TASP1: variants seen among roughly 807,000 people sequenced by gnomAD.
TASP1 encodes the protein threonine aspartase 1.
TASP1 carries 16 observed loss-of-function variants against 56.6 expected under a neutral mutation model. The ratio of observed to expected loss-of-function variants is 0.28; its 90% CI spans 0.19 to 0.43. TASP1 has a LOEUF of 0.43. Ranked by LOEUF, TASP1 falls within the 20% of genes least tolerant of loss-of-function variation. The pLI, the probability that TASP1 is intolerant of heterozygous loss-of-function variation, is 1.00. For synonymous variants in TASP1, 179 were observed against 184.2 expected, an observed-to-expected ratio of 0.97 and a Z score of 0.23; for missense variants, 393 against 511.6, an observed-to-expected ratio of 0.77 and a Z score of 2.24.
chr20:13,599,151 C>A (rs1469814095), intron 4 of TASP1, among the ~76,000 whole-genome samples: 1 of 152,144 alleles, frequency 6.6e-6, no homozygotes, highest in Non-Finnish European at 1.5e-5. Flanking sequence ...CTAGAAAGAC[C>A]ATTTGACCCA....
intron 2 of TASP1, among the ~76,000 whole-genome samples, 199 bp downstream of exon 2, chr20:13,629,735 G>A (rs1447297089): frequency 3.3e-5 from 5 of 152,154 alleles, no homozygotes; most frequent in African/African-American, 4.8e-5. Flanking sequence ...CCTAGGAAGA[G>A]CTGCCATTCT....
At chr20:13,175,163 C>A in the TASP1 span, among the ~76,000 whole-genome samples, 1 of 152,154 alleles carries the variant, frequency 6.6e-6, no homozygotes, top group African/African-American at 2.4e-5. Context: ...CCTAAACTTG[C>A]AATTCTACCT....
chr20:13,354,298 A>G, the TASP1 span, among the ~76,000 whole-genome samples: 2 of 152,202 alleles, frequency 1.3e-5, no homozygotes, highest in Admixed American at 6.5e-5. Flanking sequence ...ATAAATAACT[A>G]AAGAAAAATT....
intron 9 of TASP1, among the ~76,000 whole-genome samples, chr20:13,530,416 G>C (rs766412218): frequency 6.6e-6 from 1 of 152,140 alleles, no homozygotes; most frequent in Non-Finnish European, 1.5e-5. Context: ...TTTAGAATAT[G>C]AATTTATAAA....
At chr20:13,520,609 T>C (rs981903762) in intron 10 of TASP1, among the ~76,000 whole-genome samples, 13 of 152,300 alleles carry the variant, frequency 8.5e-5, no homozygotes, top group African/African-American at 1.7e-4. Flanking sequence ...TTACACCTTA[T>C]ACAAAAATTA....
At chr20:13,487,325 A>G (rs1187697236) in intron 10 of TASP1, among the ~76,000 whole-genome samples, 2 of 152,174 alleles carry the variant, frequency 1.3e-5, no homozygotes, top group Non-Finnish European at 2.9e-5. Flanking sequence ...GACCTCCCCA[A>G]CAGTGTCAGG....
the TASP1 span, among the ~76,000 whole-genome samples, chr20:13,233,421 C>A: frequency 6.6e-6 from 1 of 151,822 alleles, no homozygotes; most frequent in African/African-American, 2.4e-5. Flanking sequence ...CATGGAGAAA[C>A]CCCATCTCTA....
At chr20:13,501,363 TAA>T (rs1260085690) in intron 10 of TASP1, among the ~76,000 whole-genome samples, 2 of 152,128 alleles carry the variant, frequency 1.3e-5, no homozygotes, top group East Asian at 3.9e-4. Flanking sequence ...GTAAATTTTT[TAA>T]AAGACAACTG....
At chr20:13,327,002 G>A in the TASP1 span, among the ~76,000 whole-genome samples, 58 of 152,294 alleles carry the variant, frequency 3.8e-4, no homozygotes, top group Admixed American at 1.1e-3. Context: ...TATGCGAATA[G>A]GAAGAGGGGA....
the TASP1 span, among the ~76,000 whole-genome samples, chr20:13,318,864 G>A: frequency 1.3e-5 from 2 of 152,236 alleles, no homozygotes; most frequent in African/African-American, 4.8e-5. Flanking sequence ...GGTTGCCAGG[G>A]GTTGAGAAGA....
chr20:13,334,257 G>C, the TASP1 span, among the ~76,000 whole-genome samples: 3 of 152,238 alleles, frequency 2.0e-5, no homozygotes, highest in African/African-American at 7.2e-5. Context: ...ATATAGAACA[G>C]TGAGAGAGAG....
chr20:13,139,078 A>G, the TASP1 span, among the ~76,000 whole-genome samples: 1 of 152,170 alleles, frequency 6.6e-6, no homozygotes, highest in African/African-American at 2.4e-5. Context: ...TAAGCATCCA[A>G]AATGACATTT....
chr20:13,503,439 G>A (rs73080080), intron 10 of TASP1, among the ~76,000 whole-genome samples: 42,322 of 151,996 alleles, frequency 0.28, 6,054 homozygotes, highest in Middle Eastern at 0.33. Context: ...GTTTAAGAGC[G>A]TCTCAGAATC....
chr20:13,221,155 C>T, the TASP1 span, among the ~76,000 whole-genome samples: 1 of 150,084 alleles, frequency 6.7e-6, no homozygotes, highest in Non-Finnish European at 1.5e-5. Flanking sequence ...GTGAGTGGCT[C>T]GGGGCGGCGA....
the TASP1 span, among the ~76,000 whole-genome samples, chr20:13,341,187 T>C: frequency 1.1e-4 from 17 of 152,212 alleles, no homozygotes; most frequent in African/African-American, 3.9e-4. Flanking sequence ...ACTTGAATAA[T>C]CATGTCATCA....
At chr20:13,616,009 A>C (rs2048510997) in intron 4 of TASP1, among the ~76,000 whole-genome samples, 1 of 152,148 alleles carries the variant, frequency 6.6e-6, no homozygotes, top group Non-Finnish European at 1.5e-5. Context: ...AAACAGACAA[A>C]AACAGTAGAT....
intron 11 of TASP1, among the ~76,000 whole-genome samples, chr20:13,450,929 A>G (rs988270517): frequency 3.1e-4 from 47 of 152,248 alleles, no homozygotes; most frequent in African/African-American, 1.1e-3. Context: ...AAGAATCACT[A>G]TCTATGGCAG....
At chr20:13,316,714 T>C in the TASP1 span, among the ~76,000 whole-genome samples, 12 of 151,738 alleles carry the variant, frequency 7.9e-5, 1 homozygote, top group East Asian at 2.3e-3. Context: ...AGAAAAATCA[T>C]CTGACAAAAT....
intron 7 of TASP1, among the ~76,000 whole-genome samples, chr20:13,560,965 A>G (rs1370625446): frequency 6.6e-6 from 1 of 152,236 alleles, no homozygotes; most frequent in Non-Finnish European, 1.5e-5. Flanking sequence ...AATCTTGAAA[A>G]GCAGATTATC....
Sources: allele counts gnomAD v4.1 joint callset (sites outside exome capture counted in the v4.1 genomes callset), GRCh38; gene constraint gnomAD v4.1.1; transcripts MANE v1.5; gene names NCBI Gene and HGNC (gene_info 2026-07-23, HGNC 2026-07-21).